CNTNAP2: variants seen among roughly 807,000 people sequenced by gnomAD.
CNTNAP2 encodes contactin-associated protein-like 2.
CNTNAP2 carries 98 observed loss-of-function variants against 155.2 expected under a neutral mutation model. That is an observed-to-expected ratio of 0.63 (90% CI 0.54 to 0.75). The LOEUF (loss-of-function observed/expected upper bound fraction) is 0.75, where lower values mean the gene tolerates loss of function less well. Ranked by LOEUF, CNTNAP2 falls within the 30% of genes least tolerant of loss-of-function variation. The probability of loss-of-function intolerance (pLI) is 0.00; values close to 1 mark genes in which losing one functional copy is unlikely to be tolerated. For synonymous variants in CNTNAP2, 651 were observed against 631.2 expected, an observed-to-expected ratio of 1.03 and a Z score of -0.47; for missense variants, 1,727 against 1,688.1, an observed-to-expected ratio of 1.02 and a Z score of -0.40.
At chr7:147,067,945 G>A (rs1159463881) in intron 4 of CNTNAP2, among the ~76,000 whole-genome samples, 1 of 152,188 alleles carries the variant, frequency 6.6e-6, no homozygotes, top group Non-Finnish European at 1.5e-5. Flanking sequence ...TGGACCAGGT[G>A]TCTGGGCATG....
intron 3 of CNTNAP2, among the ~76,000 whole-genome samples, chr7:146,968,929 CT>C (rs1797719982): frequency 1.4e-5 from 2 of 147,098 alleles, no homozygotes; most frequent in South Asian, 4.6e-4. Flanking sequence ...ATCTTTCCTG[CT>C]TTCTCTTGTG....
chr7:146,390,592 AT>A (rs1009507630), intron 1 of CNTNAP2, among the ~76,000 whole-genome samples: 11 of 150,238 alleles, frequency 7.3e-5, no homozygotes, highest in African/African-American at 2.7e-4. Flanking sequence ...AAATACATAT[AT>A]TTTCATGAAA....
Position 146,408,946 on chromosome 7 carries a change from T to C in CNTNAP2, c.97+291973T>C, listed in dbSNP as rs1445985550. On this transcript the variant is annotated intron_variant, in intron 1 of 23. Coordinates refer to ENST00000361727, the MANE Select transcript of CNTNAP2 (RefSeq NM_014141.6). ...ATTCACATGCCTTCATTGGTCACTT[T>C]AGCTTCAGAACCCAGCCTTCTCATC... Among the ~76,000 whole-genome samples, 4 of 152,158 alleles carry C rather than the reference T, an allele frequency of 2.6e-5. No individual in the cohort carries two copies. In the East Asian group the frequency reaches 7.7e-4, roughly 29 times the overall value.
chr7:147,267,251 C>T (rs977517396), intron 8 of CNTNAP2, among the ~76,000 whole-genome samples: 1 of 152,142 alleles, frequency 6.6e-6, no homozygotes, highest in African/African-American at 2.4e-5. Context: ...CATCTATCTG[C>T]ATTGCATAGC....
At chr7:147,604,897 A>G (rs1349753979) in intron 12 of CNTNAP2, among the ~76,000 whole-genome samples, 1 of 152,214 alleles carries the variant, frequency 6.6e-6, no homozygotes, top group Non-Finnish European at 1.5e-5. Context: ...CATAGGTTGC[A>G]ATAGACATCA....
rs1310899921 is a variant in CNTNAP2, at chr7:147,639,128, G to A, written c.1920G>A (p.Val640=). 1.2e-6 allele frequency: 2 copies of A among 1,614,108 alleles called. No individual in the cohort carries two copies. Among genetic ancestry groups the A allele is most frequent in the South Asian group, 1.1e-5 (1 of 91,082 alleles). The change falls in exon 13 of 24, where the codon GTG becomes GTA. Residue 640 remains valine (V), a synonymous_variant. Coordinates refer to ENST00000361727, the MANE Select transcript of CNTNAP2 (RefSeq NM_014141.6). ...CAGAGGACAAAGTGTGGACCATAGT[G>A]TCTCATGACTTGCAGATGCAGACGC... ...NMTEDKVWTI[V]SHDLQMQTPV...
intron 3 of CNTNAP2, among the ~76,000 whole-genome samples, chr7:146,917,659 G>C (rs10259219): frequency 6.6e-6 from 1 of 152,146 alleles, no homozygotes; most frequent in Admixed American, 6.6e-5. Flanking sequence ...GAGGGACCCA[G>C]TTGGAGGTAA....
intron 13 of CNTNAP2, among the ~76,000 whole-genome samples, chr7:147,679,563 G>A (rs993151217): frequency 6.6e-6 from 1 of 151,826 alleles, no homozygotes; most frequent in Non-Finnish European, 1.5e-5. Context: ...TAGGCAATAT[G>A]TTGTTTATTG....
chr7:147,649,408 A>G (rs1795416458), intron 13 of CNTNAP2, among the ~76,000 whole-genome samples: 1 of 152,214 alleles, frequency 6.6e-6, no homozygotes, highest in Non-Finnish European at 1.5e-5. Context: ...CAAAGACTGC[A>G]TGAGAATTAT....
At chr7:147,585,629 CA>C (rs11339224) in intron 12 of CNTNAP2, among the ~76,000 whole-genome samples, 104,316 of 150,964 alleles carry the variant, frequency 0.69, 36,594 homozygotes, top group African/African-American at 0.81. Flanking sequence ...ATTTTGAGGC[CA>C]AAAATATAAA....
At chr7:147,687,711 A>G (rs1028056433) in intron 13 of CNTNAP2, among the ~76,000 whole-genome samples, 1 of 152,152 alleles carries the variant, frequency 6.6e-6, no homozygotes, top group Non-Finnish European at 1.5e-5. Flanking sequence ...ACACAAGTAA[A>G]TAAATGTAAT....
At chr7:146,167,799 C>T (rs772463287) in intron 1 of CNTNAP2, among the ~76,000 whole-genome samples, 47 of 152,200 alleles carry the variant, frequency 3.1e-4, no homozygotes, top group Non-Finnish European at 4.4e-4. Flanking sequence ...TTGACTCACA[C>T]GATCACAAGG....
chr7:147,738,850 T>C (rs1048556719), intron 13 of CNTNAP2, among the ~76,000 whole-genome samples: 4 of 152,042 alleles, frequency 2.6e-5, no homozygotes, highest in African/African-American at 9.7e-5. Context: ...AGACAGGGTT[T>C]CGCCATGATG....
intron 13 of CNTNAP2, among the ~76,000 whole-genome samples, chr7:147,675,424 C>A (rs2116972613): frequency 6.6e-6 from 1 of 152,142 alleles, no homozygotes; most frequent in East Asian, 1.9e-4. Context: ...AAGGGGATAT[C>A]TAAATGACCC....
intron 13 of CNTNAP2, among the ~76,000 whole-genome samples, chr7:147,728,390 G>A (rs1313634013): frequency 6.6e-6 from 1 of 152,048 alleles, no homozygotes; most frequent in Admixed American, 6.6e-5. Flanking sequence ...TTTGGAAAAA[G>A]AGGATTTTTA....
chr7:146,475,161 G>C (rs1448743928), intron 1 of CNTNAP2, among the ~76,000 whole-genome samples: 1 of 152,092 alleles, frequency 6.6e-6, no homozygotes, highest in Non-Finnish European at 1.5e-5. Flanking sequence ...TGAACTTTTG[G>C]ATAACAAATT....
At chr7:146,370,260 TAAAAAAAAAAAA>T (rs34996621) in intron 1 of CNTNAP2, among the ~76,000 whole-genome samples, 15 of 87,598 alleles carry the variant, frequency 1.7e-4, no homozygotes, top group South Asian at 1.2e-3. Context: ...ATCTCTACTT[TAAAAAAAAAAAA>T]AAAAAAAAAA....
At chr7:147,340,181 T>A (rs1296911227) in intron 9 of CNTNAP2, among the ~76,000 whole-genome samples, 1 of 152,148 alleles carries the variant, frequency 6.6e-6, no homozygotes, top group Non-Finnish European at 1.5e-5. Context: ...TCCATTATGT[T>A]TGAATATCAT....
intron 8 of CNTNAP2, among the ~76,000 whole-genome samples, chr7:147,251,439 T>C (rs1472747600): frequency 2.0e-5 from 3 of 151,712 alleles, no homozygotes; most frequent in African/African-American, 7.3e-5. Context: ...AACAGATAGG[T>C]AGGTAGGTAG....
Sources: gnomAD v4.1 joint callset for allele counts (sites outside exome capture counted in the v4.1 genomes callset) on GRCh38, gnomAD v4.1.1 for gene constraint, MANE v1.5 for transcripts, NCBI Gene and HGNC (gene_info 2026-07-23, HGNC 2026-07-21) for gene names.